The following NOX4 variants were observed in gnomAD, a reference collection of about 807,000 sequenced individuals.
The protein encoded by NOX4 is kidney oxidase-1.
A neutral mutation model predicts 87.6 loss-of-function variants in NOX4; 69 were observed. The observed-to-expected ratio is 0.79, with a 90% CI of 0.65 to 0.96. NOX4 has a LOEUF of 0.96. NOX4 is among the 40% of genes least tolerant of loss of function. The pLI is 0.00. For synonymous variants in NOX4, 275 were observed against 238.2 expected (o/e 1.15, Z -1.42); for missense variants, 680 against 681.5 (o/e 1.00, Z 0.02).
intron 1 of NOX4, chr11:89,490,866 A>T: frequency 1.4e-6 from 1 of 701,148 alleles, no homozygotes; most frequent in Non-Finnish European, 2.6e-6. Context: ...AAGCAAACAG[A>T]AGTAATCTGG....
chr11:89,456,475 A>T (rs1945204649), intron 2 of NOX4, among the ~76,000 whole-genome samples: 1 of 152,166 alleles, frequency 6.6e-6, no homozygotes, highest in Non-Finnish European at 1.5e-5. Flanking sequence ...CATGGGGAAG[A>T]CTAGCAAACT....
At chr11:89,456,091 TAAAG>T (rs1945185353) in intron 2 of NOX4, among the ~76,000 whole-genome samples, 1 of 152,044 alleles carries the variant, frequency 6.6e-6, no homozygotes, top group Non-Finnish European at 1.5e-5. Context: ...TTTTCCAACA[TAAAG>T]AAATGATAAA....
chr11:89,399,807 C>A (rs989764729), intron 11 of NOX4, among the ~76,000 whole-genome samples: 1 of 151,760 alleles, frequency 6.6e-6, no homozygotes, highest in African/African-American at 2.4e-5. Flanking sequence ...TAATTCATTA[C>A]TTCCTGAATT....
intron 11 of NOX4, among the ~76,000 whole-genome samples, chr11:89,375,296 A>T (rs1316085322): frequency 1.3e-5 from 2 of 151,904 alleles, no homozygotes; most frequent in Non-Finnish European, 2.9e-5. Flanking sequence ...TTTTATTTAC[A>T]TTGTAACTTT....
chr11:89,351,212 G>T (rs1946443473), intron 13 of NOX4, among the ~76,000 whole-genome samples: 1 of 152,188 alleles, frequency 6.6e-6, no homozygotes, highest in East Asian at 1.9e-4. Flanking sequence ...ATTCTCTTCA[G>T]CCAAAGACTA....
the NOX4 span, among the ~76,000 whole-genome samples, chr11:89,529,498 A>G: frequency 6.6e-6 from 1 of 152,200 alleles, no homozygotes; most frequent in Non-Finnish European, 1.5e-5. Flanking sequence ...GTAGTTAAAT[A>G]CCTGGGAACA....
intron 2 of NOX4, among the ~76,000 whole-genome samples, chr11:89,486,726 A>ACATATATATGTGTGTATATATG (rs1946643307): frequency 6.7e-6 from 1 of 148,270 alleles, no homozygotes; most frequent in Non-Finnish European, 1.5e-5. Context: ...GTGTATATAT[A>ACATATATATGTGTGTATATATG]TGTATATTTT....
chr11:89,451,854 G>A lies in NOX4; in HGVS notation c.195C>T (p.Asn65=), dbSNP rs1235301800. The part of the protein sequence containing the change: ...CLSRASASVL[N]LNCSLILLPM... ...GTAAAAGGATAAGGCTGCAGTTGAG[G>A]TTAAGAACAGATGCTGAGGCTCTGC... The change falls in exon 3 of 18, where the codon AAC becomes AAT. Residue 65 remains asparagine (N), a synonymous_variant. Transcript: ENST00000263317. The A allele has an allele frequency of 1.3e-5, 21 of 1,613,284 alleles. No individual in the cohort carries two copies. Among genetic ancestry groups the A allele is most frequent in the Non-Finnish European group, 1.8e-5 (21 of 1,179,516 alleles).
chr11:89,477,128 T>C (rs1946198159), intron 2 of NOX4, among the ~76,000 whole-genome samples: 1 of 152,152 alleles, frequency 6.6e-6, no homozygotes, highest in African/African-American at 2.4e-5. Context: ...CTAGTATTAT[T>C]ACATTGTAAT....
chr11:89,449,431 C>G lies in NOX4; in HGVS notation c.349+9G>C, dbSNP rs780342497. ...TAACAAATTATTTAATATCTTGTGG[C>G]TTTCTCACCTGAGAAAATACAGATA... On this transcript the variant is annotated intron_variant, in intron 4 of 17. Coordinates refer to ENST00000263317, the MANE Select transcript of NOX4 (RefSeq NM_016931.5). The G allele has an allele frequency of 7.0e-6, 11 of 1,569,018 alleles. No homozygotes were observed. Among genetic ancestry groups the G allele is most frequent in the Non-Finnish European group, 9.6e-6 (11 of 1,146,856 alleles).
In NOX4 at chr11:89,344,955, C is replaced by T. The variant is rs531268395; in HGVS notation, c.1218-2762G>A. ...CCAGGACAATTATCATCTAACAATT[C>T]TCTCTTCATGTAGGAAAAAAGTGAG... is the stretch of plus-strand genomic sequence containing the variant. On this transcript the variant is annotated intron_variant, in intron 13 of 17. Coordinates refer to ENST00000263317, the MANE Select transcript of NOX4 (RefSeq NM_016931.5). Among the ~76,000 whole-genome samples, 185 of 152,220 alleles carry T rather than the reference C, an allele frequency of 1.2e-3. 1 individual carries two copies. Among genetic ancestry groups the T allele is most frequent in the African/African-American group, 4.3e-3 (179 of 41,542 alleles).
chr11:89,483,393 T>C (rs1946470884), intron 2 of NOX4, among the ~76,000 whole-genome samples: 1 of 152,092 alleles, frequency 6.6e-6, no homozygotes, highest in Non-Finnish European at 1.5e-5. Context: ...TATGTATACA[T>C]AATAGGATAC....
intron 7 of NOX4, among the ~76,000 whole-genome samples, chr11:89,428,561 A>T (rs1943587333): frequency 1.3e-5 from 2 of 152,032 alleles, no homozygotes; most frequent in African/African-American, 4.8e-5. Flanking sequence ...CAGGGGTTGC[A>T]ATCCTAGTCT....
intron 2 of NOX4, among the ~76,000 whole-genome samples, chr11:89,457,273 G>T (rs1945249019): frequency 6.6e-6 from 1 of 152,202 alleles, no homozygotes; most frequent in Middle Eastern, 3.2e-3. Flanking sequence ...TGCTGATGCA[G>T]GAGTGCCCTG....
At chr11:89,512,179 T>C in the NOX4 span, among the ~76,000 whole-genome samples, 1 of 152,088 alleles carries the variant, frequency 6.6e-6, no homozygotes, top group African/African-American at 2.4e-5. Context: ...TTTGGACATA[T>C]GCAAACGCCC....
chr11:89,466,596 G>A (rs190894265), intron 2 of NOX4, among the ~76,000 whole-genome samples: 6 of 152,146 alleles, frequency 3.9e-5, no homozygotes, highest in South Asian at 4.1e-4. Flanking sequence ...TATTGTAATC[G>A]GCACATATTT....
intron 6 of NOX4, among the ~76,000 whole-genome samples, chr11:89,435,107 G>T (rs79087335): frequency 1.3e-3 from 195 of 152,166 alleles, no homozygotes; most frequent in Middle Eastern, 3.4e-3. Flanking sequence ...TTGTATACAT[G>T]TGTATAATTA....
the NOX4 span, among the ~76,000 whole-genome samples, chr11:89,582,916 G>A: frequency 6.6e-6 from 1 of 152,138 alleles, no homozygotes; most frequent in Non-Finnish European, 1.5e-5. Flanking sequence ...GTTTCTATAA[G>A]CAGCGCCTGT....
At chr11:89,520,422 A>G in the NOX4 span, among the ~76,000 whole-genome samples, 1 of 152,140 alleles carries the variant, frequency 6.6e-6, no homozygotes, top group African/African-American at 2.4e-5. Context: ...ACAAACACAC[A>G]TTCAAGGAGC....
Sources: allele counts gnomAD v4.1 joint callset (sites outside exome capture counted in the v4.1 genomes callset), GRCh38; gene constraint gnomAD v4.1.1; transcripts MANE v1.5; gene names NCBI Gene and HGNC (gene_info 2026-07-23, HGNC 2026-07-21).